The following SCFD2 variants were observed in gnomAD, a reference collection of about 807,000 sequenced individuals.
SCFD2 encodes sec1 family domain containing 2.
In SCFD2, 54 loss-of-function variants were observed where a neutral mutation model predicts 58.9. The ratio of observed to expected loss-of-function variants is 0.92; its 90% confidence interval spans 0.74 to 1.15. SCFD2 has a LOEUF of 1.15. SCFD2 is among the 50% of genes most tolerant of loss of function. The pLI is 0.00. For missense variants in SCFD2, 805 were observed against 836.6 expected (o/e 0.96, Z 0.47); for synonymous variants, 321 against 335.9 (o/e 0.96, Z 0.49).
intron 5 of SCFD2, among the ~76,000 whole-genome samples, chr4:52,975,342 C>T (rs1024316081): frequency 1.3e-5 from 2 of 152,092 alleles, no homozygotes; most frequent in Non-Finnish European, 2.9e-5. Flanking sequence ...CAAACAACCC[C>T]ATCAAAAAGT....
At chr4:53,111,533 A>T (rs1725173125) in intron 5 of SCFD2, among the ~76,000 whole-genome samples, 1 of 152,120 alleles carries the variant, frequency 6.6e-6, no homozygotes, top group Non-Finnish European at 1.5e-5. Context: ...ACCATAGCCT[A>T]AATATTACTT....
chr4:53,228,002 T>C (rs1396163842), intron 4 of SCFD2, among the ~76,000 whole-genome samples: 4 of 152,176 alleles, frequency 2.6e-5, no homozygotes, highest in Non-Finnish European at 5.9e-5. Flanking sequence ...GAGACAGGAT[T>C]GAATCCAGGC....
intron 3 of SCFD2, among the ~76,000 whole-genome samples, chr4:53,288,973 G>A (rs961455487): frequency 6.6e-6 from 1 of 152,158 alleles, no homozygotes; most frequent in African/African-American, 2.4e-5. Context: ...AATATTAAAA[G>A]ATGCAAATTC....
At chr4:53,088,037 G>A (rs1724365288) in intron 5 of SCFD2, among the ~76,000 whole-genome samples, 1 of 152,156 alleles carries the variant, frequency 6.6e-6, no homozygotes, top group Non-Finnish European at 1.5e-5. Context: ...ACAGAAGAGA[G>A]AAATGACTTA....
intron 2 of SCFD2, among the ~76,000 whole-genome samples, chr4:53,335,490 A>G (rs990487848): frequency 4.6e-5 from 7 of 152,312 alleles, no homozygotes; most frequent in African/African-American, 1.4e-4. Flanking sequence ...AAATGGTGGA[A>G]CTTGTCTAAT....
chr4:53,075,056 T>C (rs957128689), intron 5 of SCFD2, among the ~76,000 whole-genome samples: 5 of 152,230 alleles, frequency 3.3e-5, no homozygotes, highest in African/African-American at 1.2e-4. Flanking sequence ...GAACATCTGT[T>C]GTTTAATGTA....
chr4:53,009,641 A>G (rs1030420521), intron 5 of SCFD2, among the ~76,000 whole-genome samples: 3 of 152,162 alleles, frequency 2.0e-5, no homozygotes, highest in African/African-American at 7.2e-5. Flanking sequence ...TGCTGACCTT[A>G]TATATAACCT....
In SCFD2 at chr4:52,940,001, C is replaced by T. The variant is rs149681518; in HGVS notation, c.1562-19131G>A. 1.7e-3 allele frequency among the ~76,000 whole-genome samples: 260 copies of T among 152,334 alleles called. 1 individual carries two copies. Among genetic ancestry groups the T allele is most frequent in the African/African-American group, 6.2e-3 (258 of 41,590 alleles). The stretch of plus-strand genomic sequence containing the variant: ...GCCCAGCTGGCTTAGGAATTCAAAC[C>T]CAAGCAGGGAGCCTACATTCCCTCT... On this transcript the variant is annotated intron_variant, in intron 5 of 8. Transcript: ENST00000401642.
chr4:53,238,880 G>A (rs1346997737), intron 4 of SCFD2, among the ~76,000 whole-genome samples: 2 of 150,858 alleles, frequency 1.3e-5, no homozygotes, highest in East Asian at 2.0e-4. Flanking sequence ...TTCCAGACTG[G>A]GCAGCCAGGC....
chr4:53,204,316 G>A (rs2148971381), intron 4 of SCFD2, among the ~76,000 whole-genome samples: 1 of 151,694 alleles, frequency 6.6e-6, no homozygotes, highest in African/African-American at 2.4e-5. Flanking sequence ...GCAGGGAAAA[G>A]GAAATGTCCA....
At chr4:53,334,987 A>G (rs1485743708) in intron 2 of SCFD2, among the ~76,000 whole-genome samples, 1 of 152,150 alleles carries the variant, frequency 6.6e-6, no homozygotes, top group East Asian at 1.9e-4. Context: ...ACTTGAGGCC[A>G]GGAGTTCAAG....
intron 4 of SCFD2, among the ~76,000 whole-genome samples, chr4:53,196,538 C>T (rs758958071): frequency 2.6e-5 from 4 of 152,118 alleles, no homozygotes; most frequent in Non-Finnish European, 5.9e-5. Flanking sequence ...AGACCATTCG[C>T]GAGAGACTGG....
intron 5 of SCFD2, among the ~76,000 whole-genome samples, chr4:53,038,954 T>C (rs1473792555): frequency 2.0e-5 from 3 of 152,176 alleles, no homozygotes; most frequent in African/African-American, 7.2e-5. Context: ...TCTCTCGAAG[T>C]GTTAGAATTA....
intron 4 of SCFD2, among the ~76,000 whole-genome samples, chr4:53,175,903 C>T (rs1217161364): frequency 6.6e-6 from 1 of 152,232 alleles, no homozygotes; most frequent in Non-Finnish European, 1.5e-5. Context: ...TAGTCCCTGA[C>T]TTCCTTAATT....
intron 4 of SCFD2, among the ~76,000 whole-genome samples, chr4:53,251,296 C>T (rs1301984180): frequency 2.6e-5 from 4 of 151,960 alleles, no homozygotes; most frequent in South Asian, 2.1e-4. Flanking sequence ...CCGAATTCTA[C>T]CAGAGGTACA....
chr4:53,340,989 T>C (rs1335137671), intron 2 of SCFD2, among the ~76,000 whole-genome samples: 2 of 152,006 alleles, frequency 1.3e-5, no homozygotes, highest in Admixed American at 6.6e-5. Flanking sequence ...CAAAGGTAGA[T>C]AAAACCACAA....
intron 4 of SCFD2, among the ~76,000 whole-genome samples, chr4:53,204,701 G>T (rs1340093456): frequency 6.9e-6 from 1 of 145,232 alleles, no homozygotes; most frequent in African/African-American, 2.6e-5. Context: ...CATACTGAAA[G>T]AGTACCCAGC....
At chr4:53,216,861 G>T (rs1728858622) in intron 4 of SCFD2, among the ~76,000 whole-genome samples, 1 of 152,076 alleles carries the variant, frequency 6.6e-6, no homozygotes, top group Non-Finnish European at 1.5e-5. Flanking sequence ...TGTTCTCATT[G>T]GTTTCAAAAA....
chr4:52,905,127 T>C (rs1719314789), intron 7 of SCFD2, among the ~76,000 whole-genome samples: 1 of 152,242 alleles, frequency 6.6e-6, no homozygotes, highest in South Asian at 2.1e-4. Context: ...GTTATAACCA[T>C]GTTAGACTCC....
Sources: gnomAD v4.1 joint callset for allele counts (sites outside exome capture counted in the v4.1 genomes callset) on GRCh38, gnomAD v4.1.1 for gene constraint, MANE v1.5 for transcripts, NCBI Gene and HGNC (gene_info 2026-07-23, HGNC 2026-07-21) for gene names.